The following BRD7 variants were observed in gnomAD, a reference collection of about 807,000 sequenced individuals.
BRD7 encodes the protein bromodomain-containing protein 7.
Under a neutral mutation model 82.1 loss-of-function variants are expected in BRD7, and 15 were observed. The observed-to-expected ratio is 0.18, with a 90% CI of 0.12 to 0.28. BRD7 has a LOEUF of 0.28. Among genes scored for constraint, BRD7 ranks in the 10% least tolerant of loss-of-function variants. BRD7 has a pLI of 1.00. For synonymous variants in BRD7, 232 were observed against 266.9 expected (o/e 0.87, Z 1.27); for missense variants, 638 against 779.9 (o/e 0.82, Z 2.17).
intron 2 of BRD7, among the ~76,000 whole-genome samples, chr16:50,362,642 G>A (rs141271569): frequency 2.0e-5 from 3 of 152,288 alleles, no homozygotes; most frequent in South Asian, 2.1e-4. Context: ...TCCAACACAC[G>A]CTACAACAGA....
rs567816888 is a variant in BRD7, at chr16:50,347,469, T to G, written c.591+2554A>C. The stretch of plus-strand genomic sequence containing the variant: ...CAATTAGGAAAAGAGGAAGTCAAAT[T>G]GTCCCTGTTTGCAGATGACATGATT... On this transcript the variant is annotated intron_variant, in intron 5 of 16. Transcript: ENST00000394688. 4.6e-5 allele frequency among the ~76,000 whole-genome samples: 7 copies of G among 152,272 alleles called. No individual in the cohort carries two copies. In the East Asian group the frequency reaches 1.2e-3, roughly 25 times the overall value.
At position 50,319,298 on chromosome 16, in the gene BRD7, T is replaced by C. The variant is rs370236609; in HGVS notation, c.1901-32A>G. On this transcript the variant is annotated intron_variant, in intron 16 of 16. Coordinates refer to ENST00000394688, the MANE Select transcript of BRD7 (RefSeq NM_013263.5). ...GAAAAAGACATCACTTAATTCAACA[T>C]TGTTTTTACCTTTTAATTAAAAAGG... 1.2e-5 allele frequency: 19 copies of C among 1,602,472 alleles called. No individual in the cohort carries two copies. The African/African-American group carries it at 1.9e-4, about 16-fold the overall frequency.
intron 6 of BRD7, among the ~76,000 whole-genome samples, chr16:50,337,305 G>C (rs1227789109): frequency 4.3e-5 from 6 of 139,992 alleles, no homozygotes; most frequent in African/African-American, 1.6e-4. Context: ...TTGTTGCCCA[G>C]GCTGGAGTGC....
At chr16:50,342,013 C>T (rs917966524) in intron 5 of BRD7, among the ~76,000 whole-genome samples, 1 of 150,990 alleles carries the variant, frequency 6.6e-6, no homozygotes, top group African/African-American at 2.4e-5. Flanking sequence ...TTACTTTAGG[C>T]CGTTGAGCTT....
At position 50,368,802 on chromosome 16, in the gene BRD7, C is replaced by A. The variant is rs2039263606; in HGVS notation, c.-28G>T. 2.0e-6 allele frequency: 3 copies of A among 1,513,682 alleles called. No homozygotes were observed. Among genetic ancestry groups the A allele is most frequent in the East Asian group, 2.9e-5 (1 of 34,402 alleles). 93.8% of individuals were successfully genotyped at this position (1,513,682 alleles called of 1,614,324 possible). ...CCGACCGGGCCCCGGTGCCCGCCCC[C>A]CGCGCCAGGCCCAGGCCGTGCGGCG... On this transcript the variant is annotated 5_prime_UTR_variant, in exon 1 of 17. Coordinates refer to ENST00000394688, the MANE Select transcript of BRD7 (RefSeq NM_013263.5).
chr16:50,359,493 T>C (rs2038860799), intron 2 of BRD7, among the ~76,000 whole-genome samples: 1 of 152,212 alleles, frequency 6.6e-6, no homozygotes, highest in South Asian at 2.1e-4. Context: ...TGTGTGGCTA[T>C]ATAGTGAAAG....
At chr16:50,357,636 C>A (rs927440944) in intron 2 of BRD7, among the ~76,000 whole-genome samples, 4 of 152,084 alleles carry the variant, frequency 2.6e-5, no homozygotes, top group African/African-American at 4.8e-5. Context: ...AAAAACTCAT[C>A]CAGTGCCAGT....
intron 4 of BRD7, among the ~76,000 whole-genome samples, chr16:50,353,568 A>G (rs1316841032): frequency 6.6e-6 from 1 of 151,936 alleles, no homozygotes; most frequent in African/African-American, 2.4e-5. Context: ...GAGTAGAGAG[A>G]TATCAAAATA....
rs1317351218 is a variant in BRD7, at chr16:50,319,918, G to C, written c.1869C>G (p.Val623=). The C allele has an allele frequency of 6.2e-7, 1 of 1,612,268 alleles. No homozygotes were observed. The highest frequency in any genetic ancestry group is 1.7e-5 in the Admixed American group (1 of 60,008). Residue 623 remains valine, a synonymous_variant, in exon 16 of 17, where the codon GTC becomes GTG. Transcript: ENST00000394688. ...KAMGISIPSP[V]MENNFVDLTE... is the part of the protein sequence containing the mutation. ...TCAAATCCACAAAGTTGTTTTCCAT[G>C]ACGGGGGAAGGAATGGAAATCCCCA...
chr16:50,348,201 T>C (rs1257695257), intron 5 of BRD7, among the ~76,000 whole-genome samples: 1 of 152,224 alleles, frequency 6.6e-6, no homozygotes. Flanking sequence ...GAAAACTGGC[T>C]AGCCATATGT....
Position 50,340,058 on chromosome 16 carries a change from G to C in BRD7, c.620C>G (p.Ala207Gly). 1 of 1,575,304 alleles carries C rather than the reference G, an allele frequency of 6.3e-7. No individual in the cohort carries two copies. The highest frequency in any genetic ancestry group is 8.6e-7 in the Non-Finnish European group (1 of 1,160,528). Residue 207 changes from alanine (A) to glycine (G), a missense_variant, in exon 6 of 17, where the codon GCC becomes GGC. Physicochemically the swap from Ala to Gly is moderately conservative, Grantham distance 60. Transcript: ENST00000394688. ...KDNFKLMCTN[A>G]MIYNKPETIY... ...GGTCTCTGGTTTATTGTAAATCATGGCATTAGTACACATTAGTTTGAAGTT... is the reference window on the plus strand; with the variant it reads ...GGTCTCTGGTTTATTGTAAATCATGCCATTAGTACACATTAGTTTGAAGTT...
rs150328970 is a variant in BRD7 at position 50,342,176 on chromosome 16, AAAAAAAC to A, written c.592-2097_592-2091del. On this transcript the variant is annotated intron_variant, in intron 5 of 16. Coordinates refer to ENST00000394688, the MANE Select transcript of BRD7 (RefSeq NM_013263.5). ...AAAGATCAGAGGAAAATCATGCAGA[AAAAAAAC>A]AAAAAACAAAAAACTGTGAAATTCT... is the stretch of plus-strand genomic sequence containing the variant. Among the ~76,000 whole-genome samples the A allele has an allele frequency of 7.2e-3, 1,099 of 152,288 alleles. 10 individuals carry two copies. Among genetic ancestry groups the A allele is most frequent in the Non-Finnish European group, 0.012 (813 of 68,024 alleles).
At chr16:50,342,197 CTG>C (rs1262987554) in intron 5 of BRD7, among the ~76,000 whole-genome samples, 3 of 151,890 alleles carry the variant, frequency 2.0e-5, no homozygotes, top group Non-Finnish European at 2.9e-5. Context: ...AAACAAAAAA[CTG>C]TGAAATTCTT....
At chr16:50,359,812 A>T (rs1597095861) in intron 2 of BRD7, among the ~76,000 whole-genome samples, 2 of 151,450 alleles carry the variant, frequency 1.3e-5, no homozygotes, top group African/African-American at 4.9e-5. Flanking sequence ...TCCATGAGGA[A>T]GTAACATCTG....
At chr16:50,321,343 C>T (rs2037092909) in intron 13 of BRD7, among the ~76,000 whole-genome samples, 1 of 152,026 alleles carries the variant, frequency 6.6e-6, no homozygotes, top group Non-Finnish European at 1.5e-5. Flanking sequence ...GGCGGATCAC[C>T]TGACATTAGG....
intron 2 of BRD7, among the ~76,000 whole-genome samples, chr16:50,366,520 A>G (rs1230963348): frequency 6.6e-6 from 1 of 152,268 alleles, no homozygotes; most frequent in Non-Finnish European, 1.5e-5. Flanking sequence ...TTTGCATACT[A>G]TACTTGTCTA....
Position 50,319,133 on chromosome 16 carries a change from T to G in BRD7, c.*78A>C. On this transcript the variant is annotated 3_prime_UTR_variant, in exon 17 of 17. Coordinates refer to ENST00000394688, the MANE Select transcript of BRD7 (RefSeq NM_013263.5). ...AATTAAAAACACAATTTACAAATATTTAATATCTTCTGAAAAGCATTTCTA... is the reference window on the plus strand; with the variant it reads ...AATTAAAAACACAATTTACAAATATGTAATATCTTCTGAAAAGCATTTCTA... The G allele has an allele frequency of 7.7e-7, 1 of 1,302,396 alleles. No individual in the cohort carries two copies. Among genetic ancestry groups the G allele is most frequent in the South Asian group, 1.3e-5 (1 of 75,902 alleles). 80.7% of individuals were successfully genotyped at this position (1,302,396 alleles called of 1,614,324 possible).
At chr16:50,334,628 C>T (rs1344642538) in intron 7 of BRD7, 83 bp downstream of exon 7, 1 of 1,515,294 alleles carries the variant, frequency 6.6e-7, no homozygotes, top group East Asian at 2.3e-5. Context: ...TTGGTCTTCC[C>T]AAGTCAGGCC....
At position 50,354,942 on chromosome 16, in the gene BRD7, A is replaced by G; in HGVS notation, c.259-20T>C. ...ATCCTCCTAAATGGAACAAAGGGAGATAATTTAGAAATATTTCAGAACCAA... is the reference window on the plus strand; with the variant it reads ...ATCCTCCTAAATGGAACAAAGGGAGGTAATTTAGAAATATTTCAGAACCAA... On this transcript the variant is annotated intron_variant, in intron 2 of 16. Coordinates refer to ENST00000394688, the MANE Select transcript of BRD7 (RefSeq NM_013263.5). 1 of 1,607,204 alleles carries G rather than the reference A, an allele frequency of 6.2e-7. No individual in the cohort carries two copies. The highest frequency in any genetic ancestry group is 1.3e-5 in the African/African-American group (1 of 74,474).
Sources: gnomAD v4.1 joint callset for allele counts (sites outside exome capture counted in the v4.1 genomes callset) on GRCh38, gnomAD v4.1.1 for gene constraint, MANE v1.5 for transcripts, NCBI Gene and HGNC (gene_info 2026-07-23, HGNC 2026-07-21) for gene names.